The following GRM3 variants were observed in gnomAD, a reference collection of about 807,000 sequenced individuals.
GRM3 encodes the protein metabotropic glutamate receptor 3.
GRM3 carries 26 observed loss-of-function variants against 70.5 expected under a neutral mutation model. The observed-to-expected ratio is 0.37, with a 90% CI of 0.27 to 0.51. The LOEUF is 0.51. Ranked by LOEUF, GRM3 falls within the 20% of genes least tolerant of loss-of-function variation. GRM3 has a pLI of 0.93. For synonymous variants in GRM3, 443 were observed against 434.9 expected, an observed-to-expected ratio of 1.02 and a Z score of -0.23; for missense variants, 859 against 1,123.8, an observed-to-expected ratio of 0.76 and a Z score of 3.37.
intron 1 of GRM3, among the ~76,000 whole-genome samples, chr7:86,704,200 T>C (rs1420493063): frequency 2.0e-5 from 3 of 151,962 alleles, no homozygotes; most frequent in Non-Finnish European, 2.9e-5. Flanking sequence ...CATTTCTTCA[T>C]TGGCATTCAA....
At chr7:86,677,131 T>C (rs1014244052) in intron 1 of GRM3, among the ~76,000 whole-genome samples, 2 of 151,994 alleles carry the variant, frequency 1.3e-5, no homozygotes, top group Admixed American at 6.6e-5. Context: ...TGCTTTATTA[T>C]CCCTGAGTCT....
chr7:86,655,844 GTGT>G (rs1793724145), intron 1 of GRM3, among the ~76,000 whole-genome samples: 4 of 137,832 alleles, frequency 2.9e-5, no homozygotes, highest in African/African-American at 1.1e-4. Flanking sequence ...GTGTGTGTGT[GTGT>G]GTGTGGGTGG....
At chr7:86,672,746 C>T (rs1465470173) in intron 1 of GRM3, among the ~76,000 whole-genome samples, 1 of 152,132 alleles carries the variant, frequency 6.6e-6, no homozygotes, top group East Asian at 1.9e-4. Context: ...CCAGCCAGAA[C>T]CTTAGCTTTT....
chr7:86,712,513 G>A (rs1191581342), intron 1 of GRM3, among the ~76,000 whole-genome samples: 1 of 151,928 alleles, frequency 6.6e-6, no homozygotes, highest in African/African-American at 2.4e-5. Flanking sequence ...TCCCTTCCAG[G>A]TATTTTGAAA....
At chr7:86,703,983 A>G (rs1169310816) in intron 1 of GRM3, among the ~76,000 whole-genome samples, 1 of 151,950 alleles carries the variant, frequency 6.6e-6, no homozygotes, top group African/African-American at 2.4e-5. Context: ...GCCTGTATTA[A>G]TAAAGTTGTT....
At chr7:86,664,751 C>G (rs1047161707) in intron 1 of GRM3, among the ~76,000 whole-genome samples, 16 of 151,868 alleles carry the variant, frequency 1.1e-4, no homozygotes, top group Non-Finnish European at 2.4e-4. Context: ...GAGGGTGATT[C>G]ACCAACACAA....
intron 5 of GRM3, among the ~76,000 whole-genome samples, chr7:86,851,697 T>G (rs7789655): frequency 0.27 from 41,750 of 152,000 alleles, 6,358 homozygotes; most frequent in African/African-American, 0.41. Context: ...AGACTGACAG[T>G]CTGAGAGCAC....
chr7:86,678,825 G>T (rs904613076), intron 1 of GRM3, among the ~76,000 whole-genome samples: 2 of 151,954 alleles, frequency 1.3e-5, no homozygotes, highest in African/African-American at 2.4e-5. Flanking sequence ...CAACATATTT[G>T]CAGTGTAAGG....
chr7:86,813,432 G>T lies in GRM3; in HGVS notation c.1325-25407G>T, dbSNP rs145139281. The stretch of plus-strand genomic sequence containing the variant: ...GTTAAATGTCCTTGGAATGAAGCCT[G>T]TGTATTCTCATCACTTAAGCAGTCA... On this transcript the variant is annotated intron_variant, in intron 3 of 5. Transcript: ENST00000361669. Among the ~76,000 whole-genome samples the T allele has an allele frequency of 1.2e-3, 175 of 151,956 alleles. No homozygotes were observed. The East Asian group carries it at 0.031, about 27-fold the overall frequency.
chr7:86,799,617 C>T (rs993222877), intron 3 of GRM3, among the ~76,000 whole-genome samples: 2 of 152,134 alleles, frequency 1.3e-5, no homozygotes, highest in African/African-American at 4.8e-5. Flanking sequence ...AGCTCCGCCT[C>T]CTGGGTTCAC....
intron 1 of GRM3, among the ~76,000 whole-genome samples, chr7:86,746,375 A>ATATATATATATAT (rs1562846667): frequency 2.8e-3 from 377 of 136,816 alleles, no homozygotes; most frequent in Middle Eastern, 3.8e-3. Flanking sequence ...ATATATATAT[A>ATATATATATATAT]ATCACTTCAA....
intron 5 of GRM3, among the ~76,000 whole-genome samples, chr7:86,860,838 T>G (rs7808623): frequency 0.12 from 18,154 of 152,200 alleles, 1,367 homozygotes; most frequent in African/African-American, 0.22. Flanking sequence ...AATGGGCAAG[T>G]TGACTCTAAG....
chr7:86,776,560 T>C (rs1796897231), intron 2 of GRM3, among the ~76,000 whole-genome samples: 2 of 152,068 alleles, frequency 1.3e-5, no homozygotes, highest in Non-Finnish European at 2.9e-5. Flanking sequence ...AGCCCTCAGC[T>C]ATCCCCAAGC....
chr7:86,676,633 TAAG>T (rs1794314854), intron 1 of GRM3, among the ~76,000 whole-genome samples: 1 of 151,996 alleles, frequency 6.6e-6, no homozygotes, highest in South Asian at 2.1e-4. Context: ...GCCTCTCTTT[TAAG>T]AAGATGTAAA....
At chr7:86,732,601 T>C (rs1003374726) in intron 1 of GRM3, among the ~76,000 whole-genome samples, 1 of 152,202 alleles carries the variant, frequency 6.6e-6, no homozygotes, top group African/African-American at 2.4e-5. Context: ...GTTCCAAGGA[T>C]TAACTAAGTT....
intron 2 of GRM3, among the ~76,000 whole-genome samples, chr7:86,771,437 C>A (rs984116348): frequency 6.6e-6 from 1 of 152,024 alleles, no homozygotes; most frequent in Non-Finnish European, 1.5e-5. Context: ...ATGAATTAAG[C>A]ATCTTATTTA....
intron 3 of GRM3, among the ~76,000 whole-genome samples, chr7:86,806,146 C>T (rs1368782141): frequency 6.6e-6 from 1 of 152,164 alleles, no homozygotes; most frequent in African/African-American, 2.4e-5. Flanking sequence ...TCCAGTCTAT[C>T]ATTGATGGAC....
chr7:86,708,867 T>C (rs1232772869), intron 1 of GRM3, among the ~76,000 whole-genome samples: 1 of 152,078 alleles, frequency 6.6e-6, no homozygotes, highest in African/African-American at 2.4e-5. Context: ...TTAAGATTCA[T>C]GTCTCCATAT....
intron 1 of GRM3, among the ~76,000 whole-genome samples, chr7:86,725,350 C>T (rs773214206): frequency 1.3e-5 from 2 of 152,068 alleles, no homozygotes; most frequent in Non-Finnish European, 2.9e-5. Flanking sequence ...TCACAGTATG[C>T]CATGGATTCT....
Sources: allele counts gnomAD v4.1 joint callset (sites outside exome capture counted in the v4.1 genomes callset), GRCh38; gene constraint gnomAD v4.1.1; transcripts MANE v1.5; gene names NCBI Gene and HGNC (gene_info 2026-07-23, HGNC 2026-07-21).